VTI1A: variants seen among roughly 807,000 people sequenced by gnomAD.
The protein encoded by VTI1A is vesicle transport through interaction with t-SNAREs homolog 1A.
VTI1A carries 22 observed loss-of-function variants against 34.9 expected under a neutral mutation model. That is an observed-to-expected ratio of 0.63 (90% CI 0.45 to 0.90). The LOEUF (loss-of-function observed/expected upper bound fraction) is 0.90, where lower values mean the gene tolerates loss of function less well. Ranked by LOEUF, VTI1A falls within the 40% of genes least tolerant of loss-of-function variation. VTI1A has a pLI of 0.00. For synonymous variants in VTI1A, 87 were observed against 97.3 expected, an observed-to-expected ratio of 0.89 and a Z score of 0.62; for missense variants, 268 against 275.6, an observed-to-expected ratio of 0.97 and a Z score of 0.20.
intron 7 of VTI1A, among the ~76,000 whole-genome samples, chr10:112,793,536 C>T (rs1159061476): frequency 6.6e-6 from 1 of 152,214 alleles, no homozygotes; most frequent in Non-Finnish European, 1.5e-5. Flanking sequence ...TTCAACATGA[C>T]TCCAATGTAC....
chr10:112,690,932 A>G (rs1288730659), intron 7 of VTI1A, among the ~76,000 whole-genome samples: 2 of 152,234 alleles, frequency 1.3e-5, no homozygotes, highest in South Asian at 2.1e-4. Flanking sequence ...CCTCCTTCAG[A>G]ATGAGAACTT....
chr10:112,733,156 C>T (rs1195201923), intron 7 of VTI1A, among the ~76,000 whole-genome samples: 7 of 152,124 alleles, frequency 4.6e-5, no homozygotes, highest in Admixed American at 4.6e-4. Context: ...GCTTTTTGGG[C>T]TGCCATGGTG....
chr10:112,695,163 C>A (rs1848737417), intron 7 of VTI1A, among the ~76,000 whole-genome samples: 1 of 152,014 alleles, frequency 6.6e-6, no homozygotes, highest in African/African-American at 2.4e-5. Context: ...TTTATCTTAC[C>A]ATAGTACCTA....
chr10:112,649,373 C>T (rs1846922918), intron 5 of VTI1A, among the ~76,000 whole-genome samples: 1 of 152,174 alleles, frequency 6.6e-6, no homozygotes, highest in Non-Finnish European at 1.5e-5. Flanking sequence ...GTCTTAAAAA[C>T]TGAATTGGTA....
chr10:112,548,950 T>G (rs919477848), intron 5 of VTI1A: 1 of 701,350 alleles, frequency 1.4e-6, no homozygotes, highest in African/African-American at 1.8e-5. Context: ...CTCCTCATAA[T>G]TATATCTTTC....
intron 7 of VTI1A, among the ~76,000 whole-genome samples, chr10:112,765,755 G>A (rs1047369375): frequency 2.0e-5 from 3 of 152,134 alleles, no homozygotes; most frequent in Non-Finnish European, 2.9e-5. Context: ...ATAAGTAAGT[G>A]GTTCTCAAAC....
At chr10:112,546,305 C>A (rs1851125401) in intron 5 of VTI1A, among the ~76,000 whole-genome samples, 1 of 151,958 alleles carries the variant, frequency 6.6e-6, no homozygotes, top group Non-Finnish European at 1.5e-5. Context: ...GTGGCTCACA[C>A]CTGTAATCCA....
chr10:112,641,280 A>G (rs921768165), intron 5 of VTI1A, among the ~76,000 whole-genome samples: 4 of 152,128 alleles, frequency 2.6e-5, no homozygotes, highest in Admixed American at 6.5e-5. Context: ...GTGATCCCAC[A>G]TGTCCCACAT....
At position 112,549,722 on chromosome 10, in the gene VTI1A, T is replaced by A. The variant is rs1444426242; in HGVS notation, c.427+11392T>A. On this transcript the variant is annotated intron_variant, in intron 5 of 7. Transcript: ENST00000393077. ...TCTGCTTGAATAGGTATTTTTTTAA[T>A]GCTGAGAAGAATTACTTGACCAGAT... Among the ~76,000 whole-genome samples the A allele has an allele frequency of 3.9e-5, 6 of 152,332 alleles. No homozygotes were observed. The East Asian group carries it at 1.2e-3, about 29-fold the overall frequency.
intron 5 of VTI1A, among the ~76,000 whole-genome samples, chr10:112,609,785 T>G (rs1845222477): frequency 6.6e-6 from 1 of 152,186 alleles, no homozygotes; most frequent in Non-Finnish European, 1.5e-5. Context: ...TGGGTTTTGT[T>G]TGCCAGATTC....
the VTI1A span, among the ~76,000 whole-genome samples, chr10:112,849,805 T>A: frequency 6.6e-6 from 1 of 152,214 alleles, no homozygotes. Flanking sequence ...TACCATATTT[T>A]GTTCAGATTT....
chr10:112,679,588 A>G (rs902122265), intron 7 of VTI1A, among the ~76,000 whole-genome samples: 3 of 152,102 alleles, frequency 2.0e-5, no homozygotes, highest in Admixed American at 6.6e-5. Flanking sequence ...GTGAATATCA[A>G]TGGGGAAAAT....
At chr10:112,612,006 G>T (rs1224945943) in intron 5 of VTI1A, among the ~76,000 whole-genome samples, 1 of 152,110 alleles carries the variant, frequency 6.6e-6, no homozygotes, top group Non-Finnish European at 1.5e-5. Flanking sequence ...CTCCGAAAGT[G>T]CTGGGATTAC....
intron 3 of VTI1A, among the ~76,000 whole-genome samples, chr10:112,526,061 G>T (rs1307925487): frequency 6.6e-6 from 1 of 152,302 alleles, no homozygotes; most frequent in Admixed American, 6.5e-5. Flanking sequence ...TTTTAATGGA[G>T]TAGTTTTCTT....
chr10:112,673,651 A>G (rs754841835), intron 7 of VTI1A, among the ~76,000 whole-genome samples: 2 of 152,262 alleles, frequency 1.3e-5, no homozygotes, highest in Non-Finnish European at 2.9e-5. Flanking sequence ...CCATTCACAC[A>G]ATATTATCTG....
intron 3 of VTI1A, among the ~76,000 whole-genome samples, chr10:112,502,770 A>G (rs1849289094): frequency 6.6e-6 from 1 of 152,244 alleles, no homozygotes; most frequent in Non-Finnish European, 1.5e-5. Context: ...GACCTTTTCA[A>G]GAAAGTGTAA....
intron 5 of VTI1A, among the ~76,000 whole-genome samples, chr10:112,560,209 T>A (rs1026960124): frequency 6.6e-5 from 10 of 152,240 alleles, no homozygotes; most frequent in Non-Finnish European, 2.9e-5. Context: ...TTTTTATTAC[T>A]GGATTATCTT....
intron 7 of VTI1A, among the ~76,000 whole-genome samples, chr10:112,791,002 C>T (rs1223973379): frequency 6.6e-6 from 1 of 152,102 alleles, no homozygotes; most frequent in Non-Finnish European, 1.5e-5. Context: ...TGAGGTTCTC[C>T]AATATGGCAA....
intron 7 of VTI1A, among the ~76,000 whole-genome samples, chr10:112,699,154 A>T (rs1430134239): frequency 6.6e-6 from 1 of 152,264 alleles, no homozygotes; most frequent in African/African-American, 2.4e-5. Flanking sequence ...TGGTAATTTC[A>T]GCATAGATGG....
Sources: gnomAD v4.1 joint callset for allele counts (sites outside exome capture counted in the v4.1 genomes callset) on GRCh38, gnomAD v4.1.1 for gene constraint, MANE v1.5 for transcripts, NCBI Gene and HGNC (gene_info 2026-07-23, HGNC 2026-07-21) for gene names.